Variants in CDH20 observed in about 807,000 individuals in gnomAD.
The protein encoded by CDH20 is cadherin 20.
CDH20 carries 29 observed loss-of-function variants against 74.2 expected under a neutral mutation model. That is an observed-to-expected ratio of 0.39 (90% CI 0.29 to 0.53). CDH20 has a LOEUF of 0.53. Ranked by LOEUF, CDH20 falls within the 20% of genes least tolerant of loss-of-function variation. The pLI, the probability that CDH20 is intolerant of heterozygous loss-of-function variation, is 0.69. For missense variants in CDH20, 988 were observed against 1,048.3 expected, an observed-to-expected ratio of 0.94 and a Z score of 0.79; for synonymous variants, 469 against 405.4, an observed-to-expected ratio of 1.16 and a Z score of -1.88.
intron 2 of CDH20, among the ~76,000 whole-genome samples, chr18:61,494,100 CAGAG>C (rs1264753853): frequency 3.9e-5 from 6 of 152,178 alleles, no homozygotes; most frequent in Non-Finnish European, 5.9e-5. Flanking sequence ...GAGCTAGACT[CAGAG>C]AGGTTATTTA....
At chr18:61,483,721 C>T (rs545903572) in intron 1 of CDH20, among the ~76,000 whole-genome samples, 2 of 152,282 alleles carry the variant, frequency 1.3e-5, no homozygotes, top group East Asian at 3.9e-4. Flanking sequence ...AGGCACAAGA[C>T]TTTAACCATC....
At chr18:61,405,036 T>A in intron 1 of CDH20, 1 of 689,720 alleles carries the variant, frequency 1.4e-6, no homozygotes, top group Admixed American at 1.8e-5. Flanking sequence ...CATTTCTGAT[T>A]TCTTCAAAGT....
At chr18:61,536,699 A>G in intron 8 of CDH20, 70 bp downstream of exon 8, 4 of 1,428,136 alleles carry the variant, frequency 2.8e-6, no homozygotes, top group Non-Finnish European at 3.9e-6. Context: ...GGAAGTTTCT[A>G]GAACTTGTTG....
At chr18:61,357,928 T>C (rs1910546643) in intron 1 of CDH20, among the ~76,000 whole-genome samples, 1 of 152,064 alleles carries the variant, frequency 6.6e-6, no homozygotes, top group South Asian at 2.1e-4. Context: ...GCCTCTTGAT[T>C]CTAGCAGTTG....
At chr18:61,339,701 T>TTTTTTA (rs58434671) in intron 1 of CDH20, among the ~76,000 whole-genome samples, 1 of 122,948 alleles carries the variant, frequency 8.1e-6, no homozygotes, top group Admixed American at 1.0e-4. Flanking sequence ...TTTTTTTTTT[T>TTTTTTA]TTTTGAGATG....
At chr18:61,398,033 T>C (rs550999312) in intron 1 of CDH20, among the ~76,000 whole-genome samples, 207 of 152,348 alleles carry the variant, frequency 1.4e-3, no homozygotes, top group African/African-American at 4.6e-3. Flanking sequence ...GCTAGCTAAG[T>C]CAGAGTGCAA....
chr18:61,440,154 T>G (rs1465244691), intron 1 of CDH20, among the ~76,000 whole-genome samples: 1 of 152,122 alleles, frequency 6.6e-6, no homozygotes, highest in African/African-American at 2.4e-5. Flanking sequence ...GAGCCTCGAG[T>G]AGTGTAGATA....
intron 7 of CDH20, among the ~76,000 whole-genome samples, chr18:61,532,523 G>A (rs1912679195): frequency 9.4e-6 from 1 of 106,074 alleles, no homozygotes; most frequent in South Asian, 3.4e-4. Context: ...ATACATGTGT[G>A]TATTGTATGT....
Position 61,492,261 on chromosome 18 carries a change from C to T in CDH20, c.246+1462C>T, listed in dbSNP as rs116512932. Among the ~76,000 whole-genome samples the T allele has an allele frequency of 5.3e-3, 809 of 152,212 alleles. 11 individuals carry two copies. Among genetic ancestry groups the T allele is most frequent in the African/African-American group, 0.018 (749 of 41,514 alleles). On this transcript the variant is annotated intron_variant, in intron 2 of 11. Coordinates refer to ENST00000262717, the MANE Select transcript of CDH20 (RefSeq NM_031891.4). ...TCCCCTGCCCACACATTCTCTCCCT[C>T]TGCAAATTCTGCTAGTCCTATGCCA...
At chr18:61,513,638 T>C (rs962584296) in intron 6 of CDH20, among the ~76,000 whole-genome samples, 9 of 152,150 alleles carry the variant, frequency 5.9e-5, no homozygotes, top group Admixed American at 3.3e-4. Context: ...CGGCTGGTAC[T>C]GGTTGTTCCT....
At chr18:61,548,422 C>T (rs963353184) in intron 10 of CDH20, among the ~76,000 whole-genome samples, 10 of 152,240 alleles carry the variant, frequency 6.6e-5, no homozygotes, top group East Asian at 1.9e-4. Flanking sequence ...TTTCTGAAAA[C>T]GAGTAAGATT....
At chr18:61,428,735 C>T (rs772626977) in intron 1 of CDH20, among the ~76,000 whole-genome samples, 4 of 152,178 alleles carry the variant, frequency 2.6e-5, no homozygotes, top group Non-Finnish European at 4.4e-5. Flanking sequence ...AGACACTAGC[C>T]CATGGTTCCT....
At chr18:61,336,627 C>T (rs991156801) in intron 1 of CDH20, among the ~76,000 whole-genome samples, 3 of 152,154 alleles carry the variant, frequency 2.0e-5, no homozygotes, top group Non-Finnish European at 2.9e-5. Context: ...CTTGACTTCC[C>T]TCTACCCATA....
At chr18:61,554,045 C>G (rs557310313) in intron 11 of CDH20, 145 bp from the exon 12 acceptor site, 1 of 893,878 alleles carries the variant, frequency 1.1e-6, no homozygotes, top group East Asian at 2.7e-5. Flanking sequence ...TAGAACTCCC[C>G]GAGGTTTCAG....
chr18:61,469,719 T>G (rs565899054), intron 1 of CDH20, among the ~76,000 whole-genome samples: 1 of 152,348 alleles, frequency 6.6e-6, no homozygotes, highest in South Asian at 2.1e-4. Context: ...AAATCACCCA[T>G]GCCATTGCAT....
intron 1 of CDH20, among the ~76,000 whole-genome samples, chr18:61,432,244 CAAAAAAA>C (rs552208549): frequency 1.5e-3 from 122 of 81,766 alleles, no homozygotes; most frequent in African/African-American, 5.0e-3. Flanking sequence ...AACTCTATCT[CAAAAAAA>C]AAAAAAAAAA....
chr18:61,476,471 AAATT>A (rs1337461975), intron 1 of CDH20, among the ~76,000 whole-genome samples: 4 of 152,192 alleles, frequency 2.6e-5, no homozygotes, highest in African/African-American at 4.8e-5. Flanking sequence ...AAAACTGTGA[AAATT>A]AATAAAATGA....
rs557634748 is a variant in CDH20, at chr18:61,484,720, A to AT, written c.-152-5674dup. On this transcript the variant is annotated intron_variant, in intron 1 of 11. Transcript: ENST00000262717. ...ATTATATAATTCAAGCTTTCTACCA[A>AT]TTTTTTTTGCTCTACTCCACACACA... 3.2e-3 allele frequency among the ~76,000 whole-genome samples: 476 copies of AT among 149,960 alleles called. 3 individuals carry two copies. The highest frequency in any genetic ancestry group is 0.011 in the African/African-American group (449 of 40,522).
chr18:61,499,791 G>A (rs7238200), intron 3 of CDH20, among the ~76,000 whole-genome samples: 1 of 151,430 alleles, frequency 6.6e-6, no homozygotes. Flanking sequence ...GAAATATTTT[G>A]TTATTATCAA....
Sources: gnomAD v4.1 joint callset for allele counts (sites outside exome capture counted in the v4.1 genomes callset) on GRCh38, gnomAD v4.1.1 for gene constraint, MANE v1.5 for transcripts, NCBI Gene and HGNC (gene_info 2026-07-23, HGNC 2026-07-21) for gene names.